Variants in CNTNAP2 observed in about 807,000 individuals in gnomAD.
CNTNAP2 encodes the protein contactin associated protein 2.
Under a neutral mutation model 155.2 loss-of-function variants are expected in CNTNAP2, and 98 were observed. That is an observed-to-expected ratio of 0.63 (90% CI 0.54 to 0.75). CNTNAP2 has a LOEUF of 0.75. Ranked by LOEUF, CNTNAP2 falls within the 30% of genes least tolerant of loss-of-function variation. CNTNAP2 has a pLI of 0.00. For missense variants in CNTNAP2, 1,727 were observed against 1,688.1 expected, an observed-to-expected ratio of 1.02 and a Z score of -0.40; for synonymous variants, 651 against 631.2, an observed-to-expected ratio of 1.03 and a Z score of -0.47.
intron 3 of CNTNAP2, among the ~76,000 whole-genome samples, chr7:147,040,533 T>C (rs1799240662): frequency 7.3e-6 from 1 of 136,302 alleles, no homozygotes; most frequent in Admixed American, 7.9e-5. Flanking sequence ...TGATTTCAAC[T>C]CCCTGAAACC....
chr7:146,472,030 G>A (rs142362156), intron 1 of CNTNAP2, among the ~76,000 whole-genome samples: 4 of 152,228 alleles, frequency 2.6e-5, no homozygotes, highest in East Asian at 3.9e-4. Flanking sequence ...GCTCTCATGG[G>A]CATCCTGGTT....
At chr7:147,088,666 A>G (rs1800332315) in intron 4 of CNTNAP2, among the ~76,000 whole-genome samples, 1 of 152,142 alleles carries the variant, frequency 6.6e-6, no homozygotes, top group South Asian at 2.1e-4. Flanking sequence ...TCAAGGCTGA[A>G]GCTGGGTGCA....
At chr7:147,337,899 C>T (rs144106137) in intron 9 of CNTNAP2, among the ~76,000 whole-genome samples, 6 of 152,224 alleles carry the variant, frequency 3.9e-5, no homozygotes, top group African/African-American at 1.4e-4. Flanking sequence ...CCTGACCTTA[C>T]TGATAAAATT....
Position 148,416,675 on chromosome 7 carries a change from A to T in CNTNAP2, c.*1059A>T, listed in dbSNP as rs1062071. 0.11 allele frequency: 16,055 copies of T among 152,652 alleles called. 2,457 individuals are homozygous for T. The highest frequency in any genetic ancestry group is 0.34 in the African/African-American group (13,906 of 41,486). The allele number at this position is 152,652 out of a possible 1,614,324, so 9.5% of individuals were successfully genotyped here. ...ACAGTGTCCTGTAAATGGACACAAC[A>T]CAATAAAGTCAAGTTATTATTGCTG... is the stretch of plus-strand genomic sequence containing the variant. On this transcript the variant is annotated 3_prime_UTR_variant, in exon 24 of 24. Coordinates refer to ENST00000361727, the MANE Select transcript of CNTNAP2 (RefSeq NM_014141.6).
chr7:146,549,643 A>T (rs1169003679), intron 1 of CNTNAP2, among the ~76,000 whole-genome samples: 1 of 152,038 alleles, frequency 6.6e-6, no homozygotes, highest in Non-Finnish European at 1.5e-5. Flanking sequence ...TCACAGAAGG[A>T]GGCTATAATT....
chr7:147,181,110 A>T (rs1802448109), intron 8 of CNTNAP2, among the ~76,000 whole-genome samples: 1 of 152,210 alleles, frequency 6.6e-6, no homozygotes, highest in African/African-American at 2.4e-5. Flanking sequence ...CACAATTTGA[A>T]GTAAGTCACT....
chr7:146,136,930 C>A (rs748854416), intron 1 of CNTNAP2, among the ~76,000 whole-genome samples: 5 of 152,134 alleles, frequency 3.3e-5, no homozygotes, highest in Non-Finnish European at 5.9e-5. Flanking sequence ...TGTTTTAGCA[C>A]CAAGTTGTGT....
At chr7:147,190,034 G>A (rs1244171247) in intron 8 of CNTNAP2, among the ~76,000 whole-genome samples, 4 of 152,092 alleles carry the variant, frequency 2.6e-5, no homozygotes, top group South Asian at 2.1e-4. Flanking sequence ...GTGAGCCACC[G>A]TGCCCACCCT....
chr7:147,207,713 T>C (rs2116564445), intron 8 of CNTNAP2, among the ~76,000 whole-genome samples: 1 of 152,306 alleles, frequency 6.6e-6, no homozygotes, highest in Non-Finnish European at 1.5e-5. Flanking sequence ...AATATTACAT[T>C]GTCCAGTGAT....
chr7:146,595,345 G>A (rs1798844798), intron 1 of CNTNAP2, among the ~76,000 whole-genome samples: 1 of 151,896 alleles, frequency 6.6e-6, no homozygotes, highest in Non-Finnish European at 1.5e-5. Context: ...TCTAGTTATT[G>A]AGTTATATAA....
chr7:146,628,771 G>A (rs1030491706), intron 1 of CNTNAP2, among the ~76,000 whole-genome samples: 3 of 151,944 alleles, frequency 2.0e-5, no homozygotes, highest in East Asian at 1.9e-4. Flanking sequence ...TAAGAGCCCC[G>A]GAGCAAAATA....
intron 9 of CNTNAP2, among the ~76,000 whole-genome samples, chr7:147,354,058 G>A (rs1796017467): frequency 1.3e-5 from 2 of 151,694 alleles, no homozygotes; most frequent in Admixed American, 1.3e-4. Context: ...TGGATAGATT[G>A]CAAAAATTTT....
chr7:148,370,979 C>T (rs536364552), intron 21 of CNTNAP2, among the ~76,000 whole-genome samples: 1 of 152,268 alleles, frequency 6.6e-6, no homozygotes, highest in East Asian at 1.9e-4. Context: ...CCTCAAAACA[C>T]ACCCCGGTTT....
At position 146,201,265 on chromosome 7, in the gene CNTNAP2, G is replaced by A. The variant is rs148481851; in HGVS notation, c.97+84292G>A. Among the ~76,000 whole-genome samples the A allele has an allele frequency of 2.0e-3, 308 of 152,240 alleles. 4 individuals are homozygous for A. Among genetic ancestry groups the A allele is most frequent in the Non-Finnish European group, 4.4e-4 (30 of 68,026 alleles). On this transcript the variant is annotated intron_variant, in intron 1 of 23. Transcript: ENST00000361727. ...CTGTTAACATTTATCTGAACTTTCTGGGGGAGAAACCTGATGTCATAGACC... is the reference window on the plus strand; with the variant it reads ...CTGTTAACATTTATCTGAACTTTCTAGGGGAGAAACCTGATGTCATAGACC...
chr7:146,879,152 C>G (rs971735281), intron 3 of CNTNAP2, among the ~76,000 whole-genome samples: 4 of 152,104 alleles, frequency 2.6e-5, no homozygotes, highest in Non-Finnish European at 5.9e-5. Flanking sequence ...ATTTCATTGC[C>G]CTGTGGCAGG....
chr7:146,358,382 A>G (rs1795035406), intron 1 of CNTNAP2, among the ~76,000 whole-genome samples: 1 of 152,182 alleles, frequency 6.6e-6, no homozygotes, highest in Non-Finnish European at 1.5e-5. Flanking sequence ...GATATAAAGT[A>G]AAACCCTATG....
intron 13 of CNTNAP2, among the ~76,000 whole-genome samples, chr7:147,826,140 A>G (rs760688500): frequency 3.9e-5 from 6 of 152,180 alleles, no homozygotes; most frequent in Non-Finnish European, 8.8e-5. Flanking sequence ...AAACAGCAAT[A>G]TGCCAGTTGT....
chr7:147,008,020 A>G (rs187661789), intron 3 of CNTNAP2, among the ~76,000 whole-genome samples: 1 of 152,294 alleles, frequency 6.6e-6, no homozygotes, highest in African/African-American at 2.4e-5. Context: ...AGTGTCTAAT[A>G]CATTATTGCA....
intron 16 of CNTNAP2, among the ~76,000 whole-genome samples, chr7:148,119,494 C>T (rs371309502): frequency 1.1e-3 from 173 of 152,240 alleles, no homozygotes; most frequent in African/African-American, 4.0e-3. Flanking sequence ...CTAGATTGCG[C>T]CACTGCACTC....
Sources: gnomAD v4.1 joint callset for allele counts (sites outside exome capture counted in the v4.1 genomes callset) on GRCh38, gnomAD v4.1.1 for gene constraint, MANE v1.5 for transcripts, NCBI Gene and HGNC (gene_info 2026-07-23, HGNC 2026-07-21) for gene names.